The following LARP4B variants were observed in gnomAD, a reference collection of about 807,000 sequenced individuals.
LARP4B encodes the protein La ribonucleoprotein 4B, also known as la-related protein 4B.
In LARP4B, 12 loss-of-function variants were observed where a neutral mutation model predicts 89.8. The observed-to-expected ratio is 0.13, with a 90% CI of 0.09 to 0.22. The LOEUF (loss-of-function observed/expected upper bound fraction) is 0.22. Ranked by LOEUF, LARP4B falls within the 10% of genes least tolerant of loss-of-function variation. The pLI is 1.00. For missense variants in LARP4B, 757 were observed against 947.7 expected, an observed-to-expected ratio of 0.80 and a Z score of 2.64; for synonymous variants, 367 against 363.3, an observed-to-expected ratio of 1.01 and a Z score of -0.12.
intron 8 of LARP4B, among the ~76,000 whole-genome samples, chr10:831,497 C>A (rs990497896): frequency 5.3e-5 from 8 of 152,178 alleles, no homozygotes; most frequent in Non-Finnish European, 1.2e-4. Flanking sequence ...AGTGCCTGGG[C>A]CGCAGAGCCG....
chr10:914,926 G>A (rs1028340869), intron 1 of LARP4B, among the ~76,000 whole-genome samples: 3 of 151,486 alleles, frequency 2.0e-5, no homozygotes, highest in African/African-American at 7.3e-5. Context: ...AAAAAATTGT[G>A]TGTAATCAAG....
In LARP4B at chr10:863,833, G is replaced by T; in HGVS notation, c.340C>A (p.Pro114Thr). The change falls in exon 5 of 18, where the codon CCA becomes ACA. Residue 114 changes from proline (P) to threonine (T), a missense_variant. Pro to Thr is a conservative substitution (Grantham distance 38). Transcript: ENST00000316157. ...GDQGHENAALPDPQESDPADM... is the reference protein window; with the variant it reads ...GDQGHENAALTDPQESDPADM... ...GCTGGGTCCGACTCCTGCGGGTCTG[G>T]CAATGCGGCATTCTCATGGCCCTGG... 3 of 1,614,118 alleles carry T rather than the reference G, an allele frequency of 1.9e-6. No homozygotes were observed. The highest frequency in any genetic ancestry group is 2.5e-6 in the Non-Finnish European group (3 of 1,180,012).
chr10:936,788 T>C (rs1433119233), upstream of LARP4B, among the ~76,000 whole-genome samples: 1 of 152,068 alleles, frequency 6.6e-6, no homozygotes, highest in African/African-American at 2.4e-5. Flanking sequence ...GGTTTTGCTG[T>C]GGAGTATCTC....
At chr10:867,111 T>C (rs1564418162) in intron 3 of LARP4B, among the ~76,000 whole-genome samples, 1 of 152,242 alleles carries the variant, frequency 6.6e-6, no homozygotes, top group Non-Finnish European at 1.5e-5. Context: ...CCTTAACCAA[T>C]GACTACCTCT....
intron 1 of LARP4B, among the ~76,000 whole-genome samples, chr10:929,620 T>A (rs1228927426): frequency 6.6e-6 from 1 of 151,934 alleles, no homozygotes; most frequent in Non-Finnish European, 1.5e-5. Flanking sequence ...AAAAAATCAG[T>A]AATAGTGAAA....
chr10:862,256 T>TAAAAAAAAAAAAAAAA (rs10661482), intron 5 of LARP4B, among the ~76,000 whole-genome samples: 2 of 84,394 alleles, frequency 2.4e-5, no homozygotes, highest in African/African-American at 1.0e-4. Context: ...CCACTGAAGT[T>TAAAAAAAAAAAAAAAA]AAAAAAAAAA....
At chr10:903,965 T>G (rs2131995632) in intron 1 of LARP4B, among the ~76,000 whole-genome samples, 1 of 152,190 alleles carries the variant, frequency 6.6e-6, no homozygotes. Flanking sequence ...CATAAATTGA[T>G]TTTGTTAAAA....
chr10:849,837 T>C (rs1218748895), intron 5 of LARP4B, among the ~76,000 whole-genome samples: 1 of 152,222 alleles, frequency 6.6e-6, no homozygotes, highest in Non-Finnish European at 1.5e-5. Flanking sequence ...GAGGAAAACA[T>C]CAAATTCTAA....
chr10:911,915 G>T lies in LARP4B; in HGVS notation c.-40+19513C>A, dbSNP rs959941363. Among the ~76,000 whole-genome samples the T allele has an allele frequency of 3.3e-5, 5 of 152,328 alleles. 1 individual carries two copies. Among genetic ancestry groups the T allele is most frequent in the Non-Finnish European group, 7.3e-5 (5 of 68,030 alleles). On this transcript the variant is annotated intron_variant, in intron 1 of 17. Transcript: ENST00000316157. ...AGTGGCTGACTGAATAGTTGTTACT[G>T]CAGGATGGCTACTGTTTCTTTACAC...
At chr10:955,791 G>T in the LARP4B span, among the ~76,000 whole-genome samples, 1 of 152,040 alleles carries the variant, frequency 6.6e-6, no homozygotes, top group Admixed American at 6.6e-5. This position sits in a 1 kb window ranked among gnomAD's most constrained non-coding sequence, Gnocchi z 5.2. Flanking sequence ...AAACTGCACT[G>T]TTAATTAAAA....
chr10:881,925 G>T (rs1835682860), intron 3 of LARP4B, among the ~76,000 whole-genome samples: 1 of 152,152 alleles, frequency 6.6e-6, no homozygotes, highest in South Asian at 2.1e-4. Context: ...CTTGCACTCA[G>T]TTTTGATGAA....
In LARP4B at chr10:872,131, T is replaced by G. The variant is rs565589005; in HGVS notation, c.142-7861A>C. Among the ~76,000 whole-genome samples, 3 of 152,366 alleles carry G rather than the reference T, an allele frequency of 2.0e-5. No individual in the cohort carries two copies. The South Asian group carries it at 6.2e-4, about 32-fold the overall frequency. Reference sequence around the variant, plus strand: ...CAGGGAGTAGGTCAATACCATGTAGTGCACTACTTTCTGCGTAATTTTTAG... The same window carrying G: ...CAGGGAGTAGGTCAATACCATGTAGGGCACTACTTTCTGCGTAATTTTTAG... On this transcript the variant is annotated intron_variant, in intron 3 of 17. Coordinates refer to ENST00000316157, the MANE Select transcript of LARP4B (RefSeq NM_015155.3).
At chr10:862,256 T>TAAAAAAAA (rs10661482) in intron 5 of LARP4B, among the ~76,000 whole-genome samples, 68 of 84,400 alleles carry the variant, frequency 8.1e-4, no homozygotes, top group African/African-American at 2.7e-3. Context: ...CCACTGAAGT[T>TAAAAAAAA]AAAAAAAAAA....
At chr10:930,176 C>G (rs1289312586) in intron 1 of LARP4B, among the ~76,000 whole-genome samples, 10 of 151,940 alleles carry the variant, frequency 6.6e-5, no homozygotes, top group Admixed American at 6.6e-4. Context: ...CAACTCAGCA[C>G]CTATTTCAAG....
chr10:951,544 TA>T, the LARP4B span, among the ~76,000 whole-genome samples: 41 of 143,440 alleles, frequency 2.9e-4, no homozygotes, highest in Admixed American at 4.9e-4. Context: ...AGACTCTGTC[TA>T]AAAAAAAAAA....
intron 5 of LARP4B, among the ~76,000 whole-genome samples, chr10:849,189 C>T (rs1286331270): frequency 2.0e-5 from 3 of 151,984 alleles, no homozygotes; most frequent in South Asian, 2.1e-4. Context: ...GAAAGAGGAA[C>T]GAAGAACACA....
the LARP4B span, among the ~76,000 whole-genome samples, chr10:961,113 T>A: frequency 6.6e-6 from 1 of 152,220 alleles, no homozygotes; most frequent in African/African-American, 2.4e-5. Context: ...CCAGTGAAAT[T>A]ACCTGAGGGG....
chr10:863,646 A>C (rs2131841227), intron 5 of LARP4B, 97 bp downstream of exon 5: 4 of 1,300,114 alleles, frequency 3.1e-6, no homozygotes, highest in Non-Finnish European at 4.2e-6. Context: ...CAGGCAAAGA[A>C]AGACCCATTG....
At chr10:948,313 C>A in the LARP4B span, among the ~76,000 whole-genome samples, 2 of 152,234 alleles carry the variant, frequency 1.3e-5, no homozygotes. Context: ...GTGACCTGAT[C>A]TCGGCTCCCT....
Sources: allele counts gnomAD v4.1 joint callset (sites outside exome capture counted in the v4.1 genomes callset), GRCh38; gene constraint gnomAD v4.1.1; non-coding constraint Gnocchi (gnomAD v3.1); transcripts MANE v1.5; gene names NCBI Gene and HGNC (gene_info 2026-07-23, HGNC 2026-07-21).